The following ZBTB38 variants were observed in gnomAD, a reference collection of about 807,000 sequenced individuals.
ZBTB38 encodes zinc finger and BTB domain containing 38.
In ZBTB38, 20 loss-of-function variants were observed where a neutral mutation model predicts 76.8. That is an observed-to-expected ratio of 0.26 (90% CI 0.18 to 0.38). ZBTB38 has a LOEUF of 0.38. Ranked by LOEUF, ZBTB38 falls within the 10% of genes least tolerant of loss-of-function variation. The probability of loss-of-function intolerance (pLI) is 1.00; values close to 1 mark genes in which losing one functional copy is unlikely to be tolerated. For missense variants in ZBTB38, 1,082 were observed against 1,482.3 expected (o/e 0.73, Z 4.43); for synonymous variants, 504 against 544.2 (o/e 0.93, Z 1.03).
chr3:141,361,066 A>G (rs1943811095), intron 1 of ZBTB38, among the ~76,000 whole-genome samples: 1 of 152,230 alleles, frequency 6.6e-6, no homozygotes, highest in Non-Finnish European at 1.5e-5. Context: ...GGACAAAAAC[A>G]GAGCACTCAG....
chr3:141,335,128 A>C (rs1363163422), intron 1 of ZBTB38, among the ~76,000 whole-genome samples: 1 of 152,152 alleles, frequency 6.6e-6, no homozygotes, highest in African/African-American at 2.4e-5. Flanking sequence ...CCAGAACCAC[A>C]CTGCATATCC....
intron 1 of ZBTB38, among the ~76,000 whole-genome samples, chr3:141,328,251 T>A (rs1218964996): frequency 6.6e-6 from 1 of 152,152 alleles, no homozygotes; most frequent in Non-Finnish European, 1.5e-5. Flanking sequence ...TACCCGACAT[T>A]TTTCTGTCCT....
At chr3:141,382,204 C>T (rs551098765) in intron 3 of ZBTB38, among the ~76,000 whole-genome samples, 3 of 152,202 alleles carry the variant, frequency 2.0e-5, no homozygotes, top group East Asian at 1.9e-4. Flanking sequence ...GGCAACATAG[C>T]GAGACTCTGT....
chr3:141,379,545 C>T (rs1176322585), intron 2 of ZBTB38, among the ~76,000 whole-genome samples: 1 of 152,164 alleles, frequency 6.6e-6, no homozygotes, highest in African/African-American at 2.4e-5. Context: ...GCTCATTTCT[C>T]GGGCCTGGCT....
chr3:141,426,737 A>G (rs1191431216), intron 5 of ZBTB38, among the ~76,000 whole-genome samples: 4 of 152,194 alleles, frequency 2.6e-5, no homozygotes, highest in African/African-American at 9.7e-5. Flanking sequence ...CAGCCCAGGT[A>G]CTCAAGACAA....
intron 5 of ZBTB38, among the ~76,000 whole-genome samples, chr3:141,409,934 C>T (rs1258646636): frequency 6.6e-6 from 1 of 152,176 alleles, no homozygotes; most frequent in Non-Finnish European, 1.5e-5. Flanking sequence ...CCCTGCAGGG[C>T]TGGGTTGGGG....
rs186178629 is a variant in ZBTB38 at position 141,341,027 on chromosome 3, C to T, written c.-739+16571C>T. Among the ~76,000 whole-genome samples the T allele has an allele frequency of 1.2e-3, 169 of 146,466 alleles. 2 individuals carry two copies. The highest frequency in any genetic ancestry group is 4.0e-3 in the African/African-American group (161 of 40,524). The stretch of plus-strand genomic sequence containing the variant: ...AGAAAGAAAGAAAGAGAAAGATAGA[C>T]AAGTGGTTAATAAGCGCATGAAAAG... On this transcript the variant is annotated intron_variant, in intron 1 of 7. Transcript: ENST00000509842.
In ZBTB38 at chr3:141,444,447, C is replaced by T. The variant is rs776609604; in HGVS notation, c.2059C>T (p.Arg687Trp). ...STENAVSSDL[R>W]AGDVPVLSLS... ...TGAAAATGCTGTCAGTTCTGACCTC[C>T]GGGCAGGGGATGTACCTGTTTTATC... The change falls in exon 6 of 6, where the codon CGG (arginine) becomes TGG (tryptophan). Residue 687 changes from arginine (R) to tryptophan (W), a missense_variant. Transcript: ENST00000321464. The surrounding 1 kb of genome is among the most constrained non-coding windows in gnomAD (Gnocchi z 5.1). The T allele has an allele frequency of 3.4e-5, 55 of 1,613,898 alleles. No homozygotes were observed. The highest frequency in any genetic ancestry group is 8.9e-5 in the East Asian group (4 of 44,900).
intron 5 of ZBTB38, among the ~76,000 whole-genome samples, chr3:141,423,290 G>GA (rs2075778563): frequency 6.6e-6 from 1 of 152,050 alleles, no homozygotes; most frequent in African/African-American, 2.4e-5. Flanking sequence ...ATGGACTGGA[G>GA]AAAAAAAGCT....
chr3:141,390,983 C>T (rs192118030), intron 4 of ZBTB38, among the ~76,000 whole-genome samples: 251 of 151,990 alleles, frequency 1.7e-3, no homozygotes, highest in Non-Finnish European at 2.3e-3. Context: ...AGCAAGACCC[C>T]ATCTCCACAA....
At chr3:141,373,034 T>A (rs1944860085) in intron 2 of ZBTB38, among the ~76,000 whole-genome samples, 1 of 152,176 alleles carries the variant, frequency 6.6e-6, no homozygotes, top group Non-Finnish European at 1.5e-5. Flanking sequence ...GACCACCACA[T>A]CAGGTACCAG....
At chr3:141,435,701 A>G (rs1355180428) in intron 5 of ZBTB38, among the ~76,000 whole-genome samples, 1 of 152,004 alleles carries the variant, frequency 6.6e-6, no homozygotes, top group African/African-American at 2.4e-5. Flanking sequence ...CGGAGGTTGT[A>G]GTGAGCCAAG....
intron 4 of ZBTB38, among the ~76,000 whole-genome samples, chr3:141,400,837 T>C (rs1951699804): frequency 6.6e-6 from 1 of 152,260 alleles, no homozygotes; most frequent in South Asian, 2.1e-4. Flanking sequence ...GGAGTTGAGC[T>C]AACTTGCCTA....
At chr3:141,430,796 G>A (rs73872727) in intron 5 of ZBTB38, among the ~76,000 whole-genome samples, 2,281 of 152,174 alleles carry the variant, frequency 0.015, 76 homozygotes, top group African/African-American at 0.053. Flanking sequence ...GAATGTAAAC[G>A]GCTCTTCCCT....
At chr3:141,400,281 T>G (rs1287170634) in intron 4 of ZBTB38, among the ~76,000 whole-genome samples, 1 of 152,218 alleles carries the variant, frequency 6.6e-6, no homozygotes, top group Admixed American at 6.5e-5. Context: ...ATATTTTAGT[T>G]ATTAATAACA....
rs369761166 is a variant in ZBTB38, at chr3:141,412,281, C to T, written c.-1+8250C>T. ...TCTAGACGATTACCCTTGTGAAAGG[C>T]AAGTGCCTCGTATTCCCAAAAGGTC... On this transcript the variant is annotated intron_variant, in intron 5 of 5. Transcript: ENST00000321464. 3.5e-3 allele frequency among the ~76,000 whole-genome samples: 534 copies of T among 152,290 alleles called. 2 individuals carry two copies. Among genetic ancestry groups the T allele is most frequent in the African/African-American group, 0.012 (503 of 41,544 alleles).
At chr3:141,356,074 T>G (rs568329681) in intron 1 of ZBTB38, among the ~76,000 whole-genome samples, 2 of 152,166 alleles carry the variant, frequency 1.3e-5, no homozygotes, top group African/African-American at 4.8e-5. Flanking sequence ...TGTGTTTGTG[T>G]GTGTGTGGTG....
At position 141,431,323 on chromosome 3, in the gene ZBTB38, C is replaced by CAAAAAAAAAAAAAAAAA. The variant is rs71976494; in HGVS notation, c.1-11063_1-11047dup. 6.9e-5 allele frequency among the ~76,000 whole-genome samples: 7 copies of CAAAAAAAAAAAAAAAAA among 101,404 alleles called. 1 individual carries two copies. The East Asian group carries it at 1.4e-3, about 20-fold the overall frequency. 66.5% of individuals were successfully genotyped at this position (101,404 alleles called of 152,430 possible). A position where few individuals can be genotyped will look rare whatever the true frequency, so the allele number is the denominator to read the frequency against. ...GGGGGACAAGAGCGAGACTTCGTCT[C>CAAAAAAAAAAAAAAAAA]AAAAAAAAAAAAAAAAAAATATATA... On this transcript the variant is annotated intron_variant, in intron 5 of 5. Transcript: ENST00000321464.
At chr3:141,353,014 T>C (rs1943565535) in intron 1 of ZBTB38, among the ~76,000 whole-genome samples, 1 of 151,822 alleles carries the variant, frequency 6.6e-6, no homozygotes, top group Non-Finnish European at 1.5e-5. Context: ...GACCTCCCCT[T>C]CCCCCATCCC....
Sources: gnomAD v4.1 joint callset for allele counts (sites outside exome capture counted in the v4.1 genomes callset) on GRCh38, gnomAD v4.1.1 for gene constraint, Gnocchi (gnomAD v3.1) non-coding constraint, MANE v1.5 for transcripts, NCBI Gene and HGNC (gene_info 2026-07-23, HGNC 2026-07-21) for gene names.